Variants in MTR observed in about 807,000 individuals in gnomAD.
MTR encodes methionine synthase.
A neutral mutation model predicts 154.8 loss-of-function variants in MTR; 84 were observed. That is an observed-to-expected ratio of 0.54 (90% CI 0.45 to 0.65). The LOEUF (loss-of-function observed/expected upper bound fraction) is 0.65. Among genes scored for constraint, MTR ranks in the 30% least tolerant of loss-of-function variants. The probability of loss-of-function intolerance (pLI) is 0.00; values close to 1 mark genes in which losing one functional copy is unlikely to be tolerated. For synonymous variants in MTR, 554 were observed against 553.9 expected (o/e 1.00, Z 0.00); for missense variants, 1,275 against 1,570.2 (o/e 0.81, Z 3.18).
At chr1:236,853,140 TACTC>T (rs1221327497) in intron 18 of MTR, 52 bp downstream of exon 18, 2 of 1,576,260 alleles carry the variant, frequency 1.3e-6, no homozygotes, top group Non-Finnish European at 8.7e-7. Flanking sequence ...TTGAATGTAT[TACTC>T]ACCTACAGTT....
intron 25 of MTR, among the ~76,000 whole-genome samples, chr1:236,883,827 C>G (rs1209785333): frequency 1.3e-5 from 2 of 152,154 alleles, no homozygotes; most frequent in East Asian, 1.9e-4. Flanking sequence ...AATTTTAAAG[C>G]TGGTAGGCAC....
chr1:236,869,378 G>T (rs1302564870), intron 22 of MTR, among the ~76,000 whole-genome samples: 1 of 151,724 alleles, frequency 6.6e-6, no homozygotes, highest in African/African-American at 2.4e-5. Context: ...GAGTTTTTTT[G>T]TAGAGACAAA....
chr1:236,882,706 T>A (rs1665814270), intron 25 of MTR, among the ~76,000 whole-genome samples: 1 of 152,168 alleles, frequency 6.6e-6, no homozygotes, highest in Non-Finnish European at 1.5e-5. Flanking sequence ...TTCACCATCT[T>A]GAAGAGCTAG....
rs757513053 is a variant in MTR, at chr1:236,803,647, AGTATTCCCAG to A, written c.249+8_249+17del. 6.2e-7 allele frequency: 1 copy of A among 1,612,510 alleles called. No individual in the cohort carries two copies. Among genetic ancestry groups the A allele is most frequent in the Non-Finnish European group, 8.5e-7 (1 of 1,178,702 alleles). ...GTCATTTACCAAATCCATAAGGTAA[AGTATTCCCAG>A]GTTCCCATGTGTATTCATTCTGTTA... On this transcript the variant is annotated splice_donor_region_variant and intron_variant, in intron 2 of 32. Coordinates refer to ENST00000366577, the MANE Select transcript of MTR (RefSeq NM_000254.3).
rs946519296 is a variant in MTR, at chr1:236,806,188, T to C, written c.294T>C (p.Phe98=). The change falls in exon 3 of 33, where the codon TTT becomes TTC. Residue 98 remains phenylalanine (F), a synonymous_variant. Coordinates refer to ENST00000366577, the MANE Select transcript of MTR (RefSeq NM_000254.3). ...AGADIIETNT[F]SSTSIAQADY... ...CAGATATCATTGAAACAAATACTTT[T>C]AGCAGCACTAGTATTGCCCAAGCTG... is the stretch of plus-strand genomic sequence containing the variant. 1.2e-6 allele frequency: 2 copies of C among 1,614,170 alleles called. No homozygotes were observed. The highest frequency in any genetic ancestry group is 8.5e-7 in the Non-Finnish European group (1 of 1,180,024).
Position 236,899,490 on chromosome 1 carries a change from T to C in MTR, c.*1846T>C, listed in dbSNP as rs1572357143. On this transcript the variant is annotated 3_prime_UTR_variant, in exon 33 of 33. Transcript: ENST00000366577. ...ATGTGGGAAAAAAAGAAATTTTACT[T>C]TCTCTCACCTTACCTGGTGATAAGT... is the stretch of plus-strand genomic sequence containing the variant. 6.6e-6 allele frequency: 1 copy of C among 152,224 alleles called. No homozygotes were observed. Among genetic ancestry groups the C allele is most frequent in the East Asian group, 1.9e-4 (1 of 5,200 alleles). The allele number at this position is 152,224 out of a possible 1,614,324, so 9.4% of individuals were successfully genotyped here. A position where few individuals can be genotyped will look rare whatever the true frequency, so the allele number is the denominator to read the frequency against.
chr1:236,845,407 T>A (rs1474220626), intron 15 of MTR, among the ~76,000 whole-genome samples: 1 of 152,226 alleles, frequency 6.6e-6, no homozygotes, highest in Admixed American at 6.5e-5. Flanking sequence ...TCTGTGTAGA[T>A]ACAGCAGTGA....
rs750547608 is a variant in MTR at position 236,836,664 on chromosome 1, A to G, written c.1329+977A>G. Among the ~76,000 whole-genome samples, 11 of 152,286 alleles carry G rather than the reference A, an allele frequency of 7.2e-5. 1 individual carries two copies. The South Asian group carries it at 8.3e-4, about 11-fold the overall frequency. On this transcript the variant is annotated intron_variant, in intron 14 of 32. Transcript: ENST00000366577. The stretch of plus-strand genomic sequence containing the variant: ...ATTCAGCAGATTTAAGTTAGAGTCT[A>G]TGGTAGGTACTGAATTACATTTGTC...
rs12136861 is a variant in MTR, at chr1:236,866,290, T to A, written c.2405+2736T>A. Among the ~76,000 whole-genome samples the A allele has an allele frequency of 1.1e-4, 16 of 152,152 alleles. No homozygotes were observed. In the South Asian group the frequency reaches 3.3e-3, roughly 32 times the overall value. On this transcript the variant is annotated intron_variant, in intron 22 of 32. Coordinates refer to ENST00000366577, the MANE Select transcript of MTR (RefSeq NM_000254.3). ...TCAAACCTTATTATTGTATCTGTTA[T>A]GATGATCTGTGATCAGTGATCAGTG... is the stretch of plus-strand genomic sequence containing the variant.
At position 236,897,793 on chromosome 1, in the gene MTR, T is replaced by C. The variant is rs1280364522; in HGVS notation, c.*149T>C. 5 of 712,836 alleles carry C rather than the reference T, an allele frequency of 7.0e-6. No individual in the cohort carries two copies. The highest frequency in any genetic ancestry group is 9.6e-6 in the Non-Finnish European group (4 of 418,346). The allele number at this position is 712,836 out of a possible 1,614,324, so 44.2% of individuals were successfully genotyped here. A position where few individuals can be genotyped will look rare whatever the true frequency, so the allele number is the denominator to read the frequency against. Reference sequence around the variant, plus strand: ...TTTTCGAAGACTATTTAGTGGAACCTTGTAGAGGAGCAGGGTCTTCCTGCA... The same window carrying C: ...TTTTCGAAGACTATTTAGTGGAACCCTGTAGAGGAGCAGGGTCTTCCTGCA... On this transcript the variant is annotated 3_prime_UTR_variant, in exon 33 of 33. Coordinates refer to ENST00000366577, the MANE Select transcript of MTR (RefSeq NM_000254.3).
chr1:236,848,079 C>G (rs1663690541), intron 15 of MTR, among the ~76,000 whole-genome samples: 1 of 152,188 alleles, frequency 6.6e-6, no homozygotes, highest in South Asian at 2.1e-4. Flanking sequence ...TAATGTGGCA[C>G]AGATACTGTG....
intron 1 of MTR, among the ~76,000 whole-genome samples, chr1:236,797,730 G>A (rs902542979): frequency 1.3e-5 from 2 of 152,110 alleles, no homozygotes; most frequent in Admixed American, 6.5e-5. Context: ...AGGCCGAGGC[G>A]TGCGGGTCAC....
At position 236,874,722 on chromosome 1, in the gene MTR, A is replaced by T; in HGVS notation, c.2474-4A>T. On this transcript the variant is annotated splice_region_variant and splice_polypyrimidine_tract_variant and intron_variant, in intron 23 of 32. Coordinates refer to ENST00000366577, the MANE Select transcript of MTR (RefSeq NM_000254.3). ...CCTTTTTTTTTTAAAAAAAAAAAAA[A>T]TAGATATAATTGGCCTGTCAGGACT... The T allele has an allele frequency of 6.4e-7, 1 of 1,565,902 alleles. No homozygotes were observed. The highest frequency in any genetic ancestry group is 1.2e-5 in the South Asian group (1 of 82,524).
chr1:236,897,645 CTTTTT>C lies in MTR; in HGVS notation c.*12_*16del. On this transcript the variant is annotated 3_prime_UTR_variant, in exon 33 of 33. Coordinates refer to ENST00000366577, the MANE Select transcript of MTR (RefSeq NM_000254.3). Reference sequence around the variant, plus strand: ...CATTTTGGGATATGATACAGACTAACTTTTTTTTTTTTTTTGCCTTTTTTATTCTT... The same window carrying C: ...CATTTTGGGATATGATACAGACTAACTTTTTTTTTTGCCTTTTTTATTCTT... 6.6e-7 allele frequency: 1 copy of C among 1,505,636 alleles called. No homozygotes were observed. The highest frequency in any genetic ancestry group is 9.1e-7 in the Non-Finnish European group (1 of 1,095,390). The allele number at this position is 1,505,636 out of a possible 1,614,324, so 93.3% of individuals were successfully genotyped here.
At chr1:236,842,148 C>T (rs192341326) in intron 15 of MTR, among the ~76,000 whole-genome samples, 92 of 152,320 alleles carry the variant, frequency 6.0e-4, no homozygotes, top group African/African-American at 2.1e-3. Flanking sequence ...GCCTCGGCTT[C>T]CCAAAGTGCT....
chr1:236,852,760 G>T (rs1014847983), intron 17 of MTR, 123 bp downstream of exon 17: 6 of 1,097,544 alleles, frequency 5.5e-6, no homozygotes, highest in Admixed American at 1.8e-5. Context: ...ATTTTATTGG[G>T]ATAGAGCCAC....
At position 236,901,590 on chromosome 1, in the gene MTR, A is replaced by T. The variant is rs993637913; in HGVS notation, c.*3946A>T. The T allele has an allele frequency of 6.6e-6, 1 of 152,180 alleles. No homozygotes were observed. Among genetic ancestry groups the T allele is most frequent in the African/African-American group, 2.4e-5 (1 of 41,428 alleles). The allele number at this position is 152,180 out of a possible 1,614,324, so 9.4% of individuals were successfully genotyped here. On this transcript the variant is annotated 3_prime_UTR_variant, in exon 33 of 33. Transcript: ENST00000366577. ...CCACAAACTGGTTAGCTTATAGAGA[A>T]CAGATGTTTATTTCTTACAGTTCAG...
At chr1:236,853,110 T>C (rs1221037516) in intron 18 of MTR, 22 bp downstream of exon 18, 1 of 1,613,362 alleles carries the variant, frequency 6.2e-7, no homozygotes, top group Admixed American at 1.7e-5. Flanking sequence ...AGTGTTCTAA[T>C]AGATGGATTT....
intron 27 of MTR, 137 bp from the exon 28 acceptor site, chr1:236,889,044 C>A: frequency 1.9e-6 from 2 of 1,054,318 alleles, no homozygotes; most frequent in Non-Finnish European, 2.9e-6. Flanking sequence ...AAGTTCCCCT[C>A]TTTGTAAAAC....
Sources: allele counts gnomAD v4.1 joint callset (sites outside exome capture counted in the v4.1 genomes callset), GRCh38; gene constraint gnomAD v4.1.1; transcripts MANE v1.5; gene names NCBI Gene and HGNC (gene_info 2026-07-23, HGNC 2026-07-21).